Variants in SIAH1 observed in about 807,000 individuals in gnomAD.
SIAH1 encodes siah E3 ubiquitin protein ligase 1.
SIAH1 carries 2 observed loss-of-function variants against 20.0 expected under a neutral mutation model. That is an observed-to-expected ratio of 0.10 (90% CI 0.04 to 0.31). The LOEUF (loss-of-function observed/expected upper bound fraction) is 0.31, where lower values mean the gene tolerates loss of function less well. Ranked by LOEUF, SIAH1 falls within the 10% of genes least tolerant of loss-of-function variation. The probability of loss-of-function intolerance (pLI) is 1.00; values close to 1 mark genes in which losing one functional copy is unlikely to be tolerated. For synonymous variants in SIAH1, 118 were observed against 125.3 expected (o/e 0.94, Z 0.39); for missense variants, 119 against 355.3 (o/e 0.33, Z 5.35).
chr16:48,383,820 C>T (rs1249151438), intron 1 of SIAH1, among the ~76,000 whole-genome samples: 1 of 152,216 alleles, frequency 6.6e-6, no homozygotes, highest in African/African-American at 2.4e-5. Context: ...GACCTGATTT[C>T]ACAAATTCTG....
intron 1 of SIAH1, 113 bp downstream of exon 1, chr16:48,385,091 C>A: frequency 6.3e-6 from 1 of 158,088 alleles, no homozygotes; most frequent in South Asian, 1.3e-4. Context: ...CCGACTACTG[C>A]CCGCGCCCCG....
intron 1 of SIAH1, among the ~76,000 whole-genome samples, chr16:48,384,001 T>C (rs1179051811): frequency 1.3e-5 from 2 of 152,258 alleles, no homozygotes; most frequent in Non-Finnish European, 2.9e-5. Context: ...TTGAGGTAGA[T>C]ACTGTCGTTA....
At chr16:48,372,870 A>C (rs563017164) in intron 1 of SIAH1, among the ~76,000 whole-genome samples, 2 of 152,304 alleles carry the variant, frequency 1.3e-5, no homozygotes, top group South Asian at 4.1e-4. Flanking sequence ...CAGTAATTTG[A>C]ATTTCAATGG....
At chr16:48,373,440 C>T (rs1454537761) in intron 1 of SIAH1, among the ~76,000 whole-genome samples, 2 of 152,152 alleles carry the variant, frequency 1.3e-5, no homozygotes, top group African/African-American at 4.8e-5. Flanking sequence ...CAAGCGCCTT[C>T]GAGTCAGCCT....
Position 48,362,775 on chromosome 16 carries a change from G to A in SIAH1, c.-2-345C>T, listed in dbSNP as rs957744381. On this transcript the variant is annotated intron_variant, in intron 1 of 1. Coordinates refer to ENST00000394725, the MANE Select transcript of SIAH1 (RefSeq NM_003031.4). This position sits in a 1 kb window ranked among gnomAD's most constrained non-coding sequence, Gnocchi z 4.2. ...CTATACAAGGAACTGAAGTTTAATC[G>A]AATCCGTTTTGCTAGGACTCTCCCT... 4.5e-5 allele frequency: 10 copies of A among 224,482 alleles called. No homozygotes were observed. The highest frequency in any genetic ancestry group is 1.4e-4 in the African/African-American group (6 of 41,898). 13.9% of individuals were successfully genotyped at this position (224,482 alleles called of 1,614,324 possible).
Position 48,375,346 on chromosome 16 carries a change from G to C in SIAH1, c.-3+9858C>G, listed in dbSNP as rs949671736. ...TAAGAATCAACTGTTTAAACGGGGT[G>C]GGGGGAGAGAGGCGAGGAGCAGTAG... On this transcript the variant is annotated intron_variant, in intron 1 of 1. Transcript: ENST00000394725. Among the ~76,000 whole-genome samples, 10 of 152,184 alleles carry C rather than the reference G, an allele frequency of 6.6e-5. No homozygotes were observed. The East Asian group carries it at 7.7e-4, about 12-fold the overall frequency.
chr16:48,373,342 GA>G (rs1391765596), intron 1 of SIAH1, among the ~76,000 whole-genome samples: 2 of 152,180 alleles, frequency 1.3e-5, no homozygotes, highest in Non-Finnish European at 2.9e-5. Flanking sequence ...TGGCCAAAGA[GA>G]AACTCCTTAT....
intron 1 of SIAH1, among the ~76,000 whole-genome samples, chr16:48,366,782 T>A (rs1209300124): frequency 6.6e-6 from 1 of 152,232 alleles, no homozygotes; most frequent in Non-Finnish European, 1.5e-5. Context: ...ATTTTAACTC[T>A]AACCACTTCC....
At chr16:48,381,445 C>A (rs1423038379) in intron 1 of SIAH1, among the ~76,000 whole-genome samples, 2 of 152,216 alleles carry the variant, frequency 1.3e-5, no homozygotes, top group Non-Finnish European at 2.9e-5. Context: ...CACACAAAAA[C>A]CTGCAAATGG....
intron 1 of SIAH1, among the ~76,000 whole-genome samples, chr16:48,376,568 T>C (rs1174210959): frequency 6.6e-6 from 1 of 152,162 alleles, no homozygotes; most frequent in Admixed American, 6.6e-5. Context: ...CTCAGCTCAC[T>C]GCAACCTCCA....
chr16:48,375,241 A>C (rs1230622349), intron 1 of SIAH1, among the ~76,000 whole-genome samples: 2 of 152,244 alleles, frequency 1.3e-5, no homozygotes, highest in African/African-American at 4.8e-5. Context: ...GAAAGTGGTT[A>C]AATTATGGTC....
At chr16:48,368,016 T>C (rs1192961190) in intron 1 of SIAH1, among the ~76,000 whole-genome samples, 1 of 152,266 alleles carries the variant, frequency 6.6e-6, no homozygotes, top group Non-Finnish European at 1.5e-5. Context: ...ATTCAGCCAT[T>C]GCTTTACCAC....
intron 1 of SIAH1, among the ~76,000 whole-genome samples, chr16:48,380,925 T>G (rs1222157604): frequency 1.8e-3 from 1 of 560 alleles, no homozygotes; most frequent in Non-Finnish European, 3.2e-3. Flanking sequence ...TGAGACTCCG[T>G]CTCAAAAAAA....
chr16:48,373,572 C>A (rs1301607479), intron 1 of SIAH1, among the ~76,000 whole-genome samples: 1 of 152,168 alleles, frequency 6.6e-6, no homozygotes, highest in Non-Finnish European at 1.5e-5. Context: ...CTAGTCCAAG[C>A]CACCAGTATC....
In SIAH1 at chr16:48,385,238, TG is replaced by T; in HGVS notation, c.-38del. On this transcript the variant is annotated 5_prime_UTR_variant, in exon 1 of 2. Coordinates refer to ENST00000394725, the MANE Select transcript of SIAH1 (RefSeq NM_003031.4). ...GAGAGCGCGCCTCGGACCCCGGTCC[TG>T]GCACCAACGCGCTCCGTCGCCAACC... The T allele has an allele frequency of 3.1e-6, 1 of 326,746 alleles. No individual in the cohort carries two copies. 20.2% of individuals were successfully genotyped at this position (326,746 alleles called of 1,614,324 possible).
In SIAH1 at chr16:48,366,502, C is replaced by T. The variant is rs938699942; in HGVS notation, c.-2-4072G>A. On this transcript the variant is annotated intron_variant, in intron 1 of 1. Transcript: ENST00000394725. ...CTGCCACATTAAACTCCTACTTAAACCTCCTAAGAGATTATACTCTCTTCC... is the reference window on the plus strand; with the variant it reads ...CTGCCACATTAAACTCCTACTTAAATCTCCTAAGAGATTATACTCTCTTCC... Among the ~76,000 whole-genome samples, 3 of 152,292 alleles carry T rather than the reference C, an allele frequency of 2.0e-5. No homozygotes were observed. The East Asian group carries it at 5.8e-4, about 29-fold the overall frequency.
intron 1 of SIAH1, among the ~76,000 whole-genome samples, chr16:48,373,434 CGCCTTCGAGTCA>C (rs1027810338): frequency 2.0e-5 from 3 of 152,144 alleles, no homozygotes; most frequent in Admixed American, 2.0e-4. Flanking sequence ...TCAGGTCAAG[CGCCTTCGAGTCA>C]GCCTTGATTC....
At chr16:48,368,203 G>A (rs549975413) in intron 1 of SIAH1, among the ~76,000 whole-genome samples, 1 of 152,260 alleles carries the variant, frequency 6.6e-6, no homozygotes, top group South Asian at 2.1e-4. Flanking sequence ...GTGAGGGACG[G>A]GGTGAGAAAC....
chr16:48,379,215 ACT>A (rs1206493658), intron 1 of SIAH1, among the ~76,000 whole-genome samples: 9 of 148,880 alleles, frequency 6.0e-5, no homozygotes, highest in Non-Finnish European at 3.0e-5. Context: ...TTATACTGAC[ACT>A]CTAGCATTAG....
Sources: allele counts gnomAD v4.1 joint callset (sites outside exome capture counted in the v4.1 genomes callset), GRCh38; gene constraint gnomAD v4.1.1; non-coding constraint Gnocchi (gnomAD v3.1); transcripts MANE v1.5; gene names NCBI Gene and HGNC (gene_info 2026-07-23, HGNC 2026-07-21).